Variants in DIAPH2 observed in about 807,000 individuals in gnomAD.
DIAPH2 encodes the protein protein diaphanous homolog 2.
A neutral mutation model predicts 92.7 loss-of-function variants in DIAPH2; 35 were observed. That is an observed-to-expected ratio of 0.38 (90% confidence interval 0.29 to 0.50). The LOEUF (loss-of-function observed/expected upper bound fraction) is 0.50. Among genes scored for constraint, DIAPH2 ranks in the 20% least tolerant of loss-of-function variants. The pLI, the probability that DIAPH2 is intolerant of heterozygous loss-of-function variation, is 0.94. For synonymous variants in DIAPH2, 301 were observed against 280.4 expected (o/e 1.07, Z -0.73); for missense variants, 701 against 819.5 (o/e 0.86, Z 1.77).
At chrX:97,252,842 C>T (rs764318485) in intron 23 of DIAPH2, among the ~76,000 whole-genome samples, 2 of 111,326 alleles carry the variant, frequency 1.8e-5, no homozygotes, top group East Asian at 5.6e-4. Context: ...TCTCTCCTTA[C>T]CCTCACTGTC....
At chrX:97,429,320 G>T (rs1374755256) in intron 25 of DIAPH2, among the ~76,000 whole-genome samples, 1 of 111,446 alleles carries the variant, frequency 9.0e-6, no homozygotes, top group Non-Finnish European at 1.9e-5. Context: ...GTGGTTTCTT[G>T]GTTAGGAATA....
At chrX:97,168,177 T>G (rs2067425623) in intron 22 of DIAPH2, among the ~76,000 whole-genome samples, 1 of 108,388 alleles carries the variant, frequency 9.2e-6, no homozygotes, top group African/African-American at 3.4e-5. Context: ...CTCTGCTTCC[T>G]GGTTTCAAGC....
intron 22 of DIAPH2, among the ~76,000 whole-genome samples, chrX:97,185,827 C>G (rs1006401931): frequency 9.2e-6 from 1 of 108,406 alleles, no homozygotes; most frequent in African/African-American, 3.3e-5. Context: ...TAAAGTTTTA[C>G]CTTTGCATGA....
At chrX:97,163,527 G>A (rs181777462) in intron 22 of DIAPH2, among the ~76,000 whole-genome samples, 3 of 111,860 alleles carry the variant, frequency 2.7e-5, no homozygotes, top group African/African-American at 6.5e-5. Context: ...AGGTTGGTAA[G>A]GCATTGAAGT....
intron 22 of DIAPH2, among the ~76,000 whole-genome samples, chrX:97,203,936 A>T: frequency 8.9e-6 from 1 of 112,302 alleles, no homozygotes; most frequent in East Asian, 2.8e-4. Context: ...ACATATTGGT[A>T]AACTGAATCC....
intron 24 of DIAPH2, among the ~76,000 whole-genome samples, chrX:97,350,454 T>C (rs765479546): frequency 9.0e-6 from 1 of 111,491 alleles, no homozygotes; most frequent in South Asian, 3.9e-4. Flanking sequence ...TGCCCCCCCA[T>C]GTTGCAGCAT....
Position 96,795,734 on chromosome X carries a change from T to C in DIAPH2, c.447+37476T>C, listed in dbSNP as rs766600797. 2.7e-5 allele frequency among the ~76,000 whole-genome samples: 3 copies of C among 112,170 alleles called. No individual in the cohort carries two copies. In the South Asian group the frequency reaches 1.1e-3, roughly 41 times the overall value. Reference sequence around the variant, plus strand: ...CATATTCGTTGTCCTGACTCTGTTGTGTAATTATTTACCTACTCTAGCTTT... The same window carrying C: ...CATATTCGTTGTCCTGACTCTGTTGCGTAATTATTTACCTACTCTAGCTTT... On this transcript the variant is annotated intron_variant, in intron 4 of 26. Transcript: ENST00000324765.
At chrX:96,852,771 T>C (rs755505049) in intron 4 of DIAPH2, among the ~76,000 whole-genome samples, 1 of 112,115 alleles carries the variant, frequency 8.9e-6, no homozygotes, top group Non-Finnish European at 1.9e-5. Context: ...ATTTCTGATA[T>C]AGCTTGTAAA....
chrX:97,595,341 G>A (rs896330848), intron 26 of DIAPH2, among the ~76,000 whole-genome samples: 4 of 112,159 alleles, frequency 3.6e-5, no homozygotes, highest in Admixed American at 2.8e-4. Flanking sequence ...AAGGTTTTGA[G>A]ATGAATGCCA....
At chrX:96,843,735 G>A (rs943467211) in intron 4 of DIAPH2, among the ~76,000 whole-genome samples, 17 of 111,838 alleles carry the variant, frequency 1.5e-4, no homozygotes, top group Admixed American at 8.5e-4. Flanking sequence ...TCCTCCCTGC[G>A]GCAAAAGGCA....
At chrX:96,918,068 T>C (rs190543460) in intron 8 of DIAPH2, among the ~76,000 whole-genome samples, 5 of 111,382 alleles carry the variant, frequency 4.5e-5, no homozygotes, top group African/African-American at 1.6e-4. Flanking sequence ...TGCCCTAAAA[T>C]TATTTAGAGC....
At chrX:97,288,089 T>G (rs1434692180) in intron 23 of DIAPH2, among the ~76,000 whole-genome samples, 1 of 111,263 alleles carries the variant, frequency 9.0e-6, no homozygotes, top group African/African-American at 3.3e-5. Flanking sequence ...TTTAGAACGA[T>G]GGTGATTTTG....
At chrX:97,194,325 A>G (rs1268422460) in intron 22 of DIAPH2, among the ~76,000 whole-genome samples, 1 of 103,240 alleles carries the variant, frequency 9.7e-6, no homozygotes, top group East Asian at 3.0e-4. Flanking sequence ...TCTGTTGCCC[A>G]GGCTGGAGTG....
chrX:97,595,870 G>T (rs2147888503), intron 26 of DIAPH2, among the ~76,000 whole-genome samples: 1 of 111,570 alleles, frequency 9.0e-6, no homozygotes, highest in East Asian at 2.8e-4. Context: ...GACCTCAGGT[G>T]ATCTGCCCAC....
At chrX:97,470,737 C>T (rs768647814) in intron 26 of DIAPH2, among the ~76,000 whole-genome samples, 15 of 108,428 alleles carry the variant, frequency 1.4e-4, no homozygotes, top group Admixed American at 1.3e-3. Context: ...GCTCTTGGCT[C>T]TCAGCTCCAA....
chrX:96,943,891 G>A (rs777100060), intron 13 of DIAPH2, among the ~76,000 whole-genome samples: 16 of 111,237 alleles, frequency 1.4e-4, no homozygotes, highest in Non-Finnish European at 3.0e-4. Context: ...TGTCATCTCT[G>A]CGACTGTGAA....
chrX:97,222,956 G>A (rs1344617459), intron 22 of DIAPH2, among the ~76,000 whole-genome samples: 1 of 110,679 alleles, frequency 9.0e-6, no homozygotes, highest in East Asian at 2.9e-4. Context: ...TCAGTAGCTG[G>A]GACCATAGAC....
intron 22 of DIAPH2, among the ~76,000 whole-genome samples, chrX:97,226,267 G>A (rs771232917): frequency 8.9e-6 from 1 of 111,846 alleles, no homozygotes; most frequent in African/African-American, 3.2e-5. Context: ...AATAAATACG[G>A]CATTAGGAAT....
intron 1 of DIAPH2, among the ~76,000 whole-genome samples, chrX:96,687,444 CT>C (rs761658197): frequency 1.4e-3 from 144 of 101,144 alleles, no homozygotes; most frequent in Non-Finnish European, 1.4e-3. Flanking sequence ...ATTTTCTTTT[CT>C]TTTTTTTTTT....
Sources: allele counts gnomAD v4.1 joint callset (sites outside exome capture counted in the v4.1 genomes callset), GRCh38; gene constraint gnomAD v4.1.1; transcripts MANE v1.5; gene names NCBI Gene and HGNC (gene_info 2026-07-23, HGNC 2026-07-21).